USP39: variants seen among roughly 807,000 people sequenced by gnomAD.
USP39 encodes ubiquitin specific peptidase 39, also known as ubiquitin carboxyl-terminal hydrolase 39.
A neutral mutation model predicts 66.4 loss-of-function variants in USP39; 38 were observed. The observed-to-expected ratio is 0.57, with a 90% CI of 0.44 to 0.75. USP39 has a LOEUF of 0.75. Among genes scored for constraint, USP39 ranks in the 30% least tolerant of loss-of-function variants. The probability of loss-of-function intolerance (pLI) is 0.00; values close to 1 mark genes in which losing one functional copy is unlikely to be tolerated. For synonymous variants in USP39, 303 were observed against 274.6 expected, an observed-to-expected ratio of 1.10 and a Z score of -1.02; for missense variants, 608 against 714.4, an observed-to-expected ratio of 0.85 and a Z score of 1.70.
In USP39 at chr2:85,631,903, C is replaced by G. The variant is rs377293443; in HGVS notation, c.949+957C>G. Among the ~76,000 whole-genome samples the G allele has an allele frequency of 4.9e-4, 74 of 152,022 alleles. 1 individual carries two copies. The South Asian group carries it at 0.011, about 23-fold the overall frequency. Reference sequence around the variant, plus strand: ...AGCTGGGATTACAGGTGCCCGCCAACATGCCCAGCTAATTTTTGTATTTTT... The same window carrying G: ...AGCTGGGATTACAGGTGCCCGCCAAGATGCCCAGCTAATTTTTGTATTTTT... On this transcript the variant is annotated intron_variant, in intron 6 of 12. Transcript: ENST00000323701.
intron 5 of USP39, among the ~76,000 whole-genome samples, chr2:85,630,262 A>T (rs532108392): frequency 6.6e-6 from 1 of 152,268 alleles, no homozygotes; most frequent in East Asian, 1.9e-4. Context: ...TTTTCATATT[A>T]TTTTAGTGTG....
rs370387517 is a variant in USP39 at position 85,625,617 on chromosome 2, G to T, written c.649G>T (p.Gly217Cys). 4.5e-5 allele frequency: 73 copies of T among 1,613,936 alleles called. No homozygotes were observed. Among genetic ancestry groups the T allele is most frequent in the Non-Finnish European group, 6.1e-5 (72 of 1,179,974 alleles). ...KQAKLSRAYD[G>C]TTYLPGIVGL... ...AGCCAAATTGTCCCGGGCATATGAT[G>T]GTACCACTTACCTGCCGGGTATTGT... Residue 217 changes from glycine (G) to cysteine (C), a missense_variant, in exon 5 of 13, where the codon GGT (glycine) becomes TGT (cysteine). This residue lies in a region of USP39 where 115 missense variants were observed against 198.6 expected (regional missense o/e 0.58). Coordinates refer to ENST00000323701, the MANE Select transcript of USP39 (RefSeq NM_006590.4).
intron 1 of USP39, 101 bp downstream of exon 1, chr2:85,616,564 G>C: frequency 8.9e-6 from 11 of 1,242,568 alleles, no homozygotes; most frequent in African/African-American, 3.2e-5. Context: ...GGAGTTGGGG[G>C]AGGGGTGGGG....
upstream of USP39, chr2:85,607,381 G>A (rs2104137061): frequency 6.6e-6 from 1 of 152,290 alleles, no homozygotes; most frequent in South Asian, 2.1e-4. Flanking sequence ...TAGCCCAGCT[G>A]CCTAAGTAGA....
intron 3 of USP39, 88 bp from the exon 4 acceptor site, chr2:85,623,558 C>T (rs547950826): frequency 1.5e-4 from 218 of 1,464,454 alleles, no homozygotes; most frequent in Non-Finnish European, 1.8e-4. Flanking sequence ...TAACATGTTC[C>T]GGTAGAAAAT....
At chr2:85,633,869 G>A (rs1305989854) in intron 6 of USP39, among the ~76,000 whole-genome samples, 15 of 108,120 alleles carry the variant, frequency 1.4e-4, no homozygotes, top group Admixed American at 6.1e-4. Context: ...ACAGAGTCTC[G>A]CTCTGTTGCC....
chr2:85,636,522 T>A (rs1170795526), intron 7 of USP39, among the ~76,000 whole-genome samples: 1 of 152,154 alleles, frequency 6.6e-6, no homozygotes, highest in Non-Finnish European at 1.5e-5. Flanking sequence ...ATATATATAT[T>A]TTGAGACAGA....
At chr2:85,641,143 TC>T in intron 10 of USP39, 25 bp downstream of exon 10, 1 of 1,610,568 alleles carries the variant, frequency 6.2e-7, no homozygotes, top group Non-Finnish European at 8.5e-7. Context: ...GCCTCACTTC[TC>T]TCACGGGGAG....
intron 3 of USP39, among the ~76,000 whole-genome samples, chr2:85,622,001 G>T (rs1260983762): frequency 5.9e-5 from 9 of 151,960 alleles, no homozygotes; most frequent in Non-Finnish European, 2.9e-5. Flanking sequence ...TGTATTTTTA[G>T]TAGAAACGGG....
Position 85,625,707 on chromosome 2 carries a change from G to T in USP39, c.723+16G>T. 1 of 1,607,226 alleles carries T rather than the reference G, an allele frequency of 6.2e-7. No individual in the cohort carries two copies. The highest frequency in any genetic ancestry group is 1.1e-5 in the South Asian group (1 of 90,866). ...TGTCCTTCAGGTAAGATCAAGACGG[G>T]AACATTGAGGAAGAGAAGGACACCC... is the stretch of plus-strand genomic sequence containing the variant. On this transcript the variant is annotated intron_variant, in intron 5 of 12. Coordinates refer to ENST00000323701, the MANE Select transcript of USP39 (RefSeq NM_006590.4).
chr2:85,611,685 T>C, upstream of USP39: 1 of 1,569,776 alleles, frequency 6.4e-7, no homozygotes, highest in Non-Finnish European at 8.6e-7. Context: ...TCGCGGCAGG[T>C]ACACCTGCAG....
upstream of USP39, chr2:85,616,040 A>T (rs1185393781): frequency 1.5e-6 from 2 of 1,290,904 alleles, no homozygotes; most frequent in Admixed American, 7.6e-5. Flanking sequence ...CAGTGCAGGA[A>T]CAGCACCGCC....
At chr2:85,623,174 A>G (rs776042859) in intron 3 of USP39, among the ~76,000 whole-genome samples, 6 of 152,142 alleles carry the variant, frequency 3.9e-5, no homozygotes, top group Non-Finnish European at 7.4e-5. Flanking sequence ...AGTTACATAG[A>G]TAAAGCATTG....
At chr2:85,640,167 A>G (rs551405331) in intron 9 of USP39, among the ~76,000 whole-genome samples, 4 of 151,856 alleles carry the variant, frequency 2.6e-5, no homozygotes, top group African/African-American at 9.7e-5. Flanking sequence ...CCACTGCCCA[A>G]CCACAGTGCC....
intron 1 of USP39, among the ~76,000 whole-genome samples, chr2:85,617,544 A>G (rs1674086135): frequency 6.6e-6 from 1 of 152,172 alleles, no homozygotes; most frequent in African/African-American, 2.4e-5. Context: ...ATCCCTTATA[A>G]AAGATTTGGG....
upstream of USP39, chr2:85,609,449 C>A: frequency 6.2e-7 from 1 of 1,614,198 alleles, no homozygotes; most frequent in East Asian, 2.2e-5. Flanking sequence ...TAGACGATAA[C>A]TGATGTGACC....
At position 85,644,958 on chromosome 2, in the gene USP39, C is replaced by G. The variant is rs1233427114; in HGVS notation, c.1438C>G (p.Leu480Val). 1 of 1,614,034 alleles carries G rather than the reference C, an allele frequency of 6.2e-7. No individual in the cohort carries two copies. Among genetic ancestry groups the G allele is most frequent in the Non-Finnish European group, 8.5e-7 (1 of 1,179,984 alleles). Residue 480 changes from leucine to valine, a missense_variant, in exon 11 of 13, where the codon CTG becomes GTG. Transcript: ENST00000323701. Reference protein sequence around the residue: ...IVNFPITNVDLREYLSEEVQA... With the variant: ...IVNFPITNVDVREYLSEEVQA... ...TTTAACCATTAACAGAAATGTGGAT[C>G]TGAGAGAATACTTGTCTGAAGAAGT... is the stretch of plus-strand genomic sequence containing the variant.
rs1674807601 is a variant in USP39, at chr2:85,625,797, T to C, written c.723+106T>C. 17 of 1,409,786 alleles carry C rather than the reference T, an allele frequency of 1.2e-5. No homozygotes were observed. The South Asian group carries it at 2.0e-4, about 17-fold the overall frequency. The allele number at this position is 1,409,786 out of a possible 1,614,324, so 87.3% of individuals were successfully genotyped here. A position where few individuals can be genotyped will look rare whatever the true frequency, so the allele number is the denominator to read the frequency against. ...ACTTTGGGAGGCCAAGGCAGGCGGA[T>C]TGCCTGAGGTCAAGAGTTTGAGCCA... On this transcript the variant is annotated intron_variant, in intron 5 of 12. Transcript: ENST00000323701.
chr2:85,609,586 T>C (rs1328273696), upstream of USP39: 4 of 1,614,070 alleles, frequency 2.5e-6, no homozygotes, highest in Non-Finnish European at 3.4e-6. Context: ...GGCAGAGACA[T>C]CTGGAAGGAT....
Sources: allele counts gnomAD v4.1 joint callset (sites outside exome capture counted in the v4.1 genomes callset), GRCh38; gene constraint gnomAD v4.1.1; regional missense constraint gnomAD v4.1.1; transcripts MANE v1.5; gene names NCBI Gene and HGNC (gene_info 2026-07-23, HGNC 2026-07-21).